The following ALPK2 variants were observed in gnomAD, a reference collection of about 807,000 sequenced individuals.
The protein encoded by ALPK2 is alpha kinase 2.
In ALPK2, 127 loss-of-function variants were observed where a neutral mutation model predicts 163.1. The ratio of observed to expected loss-of-function variants is 0.78; its 90% CI spans 0.67 to 0.90. ALPK2 has a LOEUF of 0.90. Among genes scored for constraint, ALPK2 ranks in the 40% least tolerant of loss-of-function variants. ALPK2 has a pLI of 0.00. For missense variants in ALPK2, 2,360 were observed against 2,589.6 expected, an observed-to-expected ratio of 0.91 and a Z score of 1.92; for synonymous variants, 953 against 959.1, an observed-to-expected ratio of 0.99 and a Z score of 0.12.
At chr18:58,613,725 A>G (rs2052148993) in intron 1 of ALPK2, among the ~76,000 whole-genome samples, 2 of 147,644 alleles carry the variant, frequency 1.4e-5, no homozygotes, top group Admixed American at 1.4e-4. Flanking sequence ...AATAATAATA[A>G]TAATAATAAT....
Position 58,498,050 on chromosome 18 carries a change from CT to C in ALPK2, c.6294del (p.Tyr2100ThrfsTer10). On this transcript the variant is annotated frameshift_variant and splice_region_variant, in exon 12 of 13. Coordinates refer to ENST00000361673, the MANE Select transcript of ALPK2 (RefSeq NM_052947.4). LOFTEE classifies it high-confidence loss of function. ...LTDVGIATLA[K>X]GYKGFKGNCS... is the part of the protein sequence containing the mutation. ...CACACTCCATTTTTTCCTACTCACC[CT>C]TTAGCCAGCGTTGCTATGCCAACGT... The C allele has an allele frequency of 1.2e-6, 2 of 1,614,092 alleles. No individual in the cohort carries two copies. The highest frequency in any genetic ancestry group is 1.7e-6 in the Non-Finnish European group (2 of 1,179,972).
intron 1 of ALPK2, among the ~76,000 whole-genome samples, chr18:58,625,848 G>A (rs977546327): frequency 1.3e-5 from 2 of 152,326 alleles, no homozygotes; most frequent in East Asian, 1.9e-4. Context: ...CTGTCTCTTC[G>A]AGCTGATGTC....
chr18:58,495,722 C>G (rs1358546116), intron 12 of ALPK2, among the ~76,000 whole-genome samples: 1 of 152,200 alleles, frequency 6.6e-6, no homozygotes, highest in African/African-American at 2.4e-5. Context: ...ACTCTGGTGT[C>G]AGGCTAAGAC....
chr18:58,561,875 C>T (rs2051827335), intron 4 of ALPK2, among the ~76,000 whole-genome samples: 1 of 152,188 alleles, frequency 6.6e-6, no homozygotes, highest in East Asian at 1.9e-4. Context: ...CCTAGGTGGA[C>T]TGAGTAGCTA....
chr18:58,492,756 G>A (rs2051381916), intron 12 of ALPK2, among the ~76,000 whole-genome samples: 1 of 152,208 alleles, frequency 6.6e-6, no homozygotes, highest in South Asian at 2.1e-4. Context: ...GGTCAGGAGT[G>A]GGAGGAACCC....
chr18:58,509,167 G>C (rs955378441), intron 10 of ALPK2, among the ~76,000 whole-genome samples: 1 of 151,736 alleles, frequency 6.6e-6, no homozygotes, highest in African/African-American at 2.4e-5. Flanking sequence ...AGTTTGCTGA[G>C]AATGATGGTT....
At chr18:58,539,655 A>T (rs1602208636) in intron 4 of ALPK2, among the ~76,000 whole-genome samples, 1 of 152,136 alleles carries the variant, frequency 6.6e-6, no homozygotes, top group South Asian at 2.1e-4. Flanking sequence ...CCTTGGCGGG[A>T]TGGGGTTCAG....
chr18:58,552,797 G>A (rs780097619), intron 4 of ALPK2, among the ~76,000 whole-genome samples: 5 of 152,206 alleles, frequency 3.3e-5, no homozygotes, highest in Non-Finnish European at 5.9e-5. Context: ...AAATTATGAA[G>A]CCTGGGCTAC....
chr18:58,536,627 G>A lies in ALPK2; in HGVS notation c.3560C>T (p.Ser1187Leu), dbSNP rs2051649926. 6.2e-7 allele frequency: 1 copy of A among 1,614,122 alleles called. No homozygotes were observed. The highest frequency in any genetic ancestry group is 8.5e-7 in the Non-Finnish European group (1 of 1,180,016). Reference sequence around the variant, plus strand: ...CACGGAGACCCTCGTCCCCCAACCTGAGCGCTGCCCTGCTCCTTCCCTAGA... The same window carrying A: ...CACGGAGACCCTCGTCCCCCAACCTAAGCGCTGCCCTGCTCCTTCCCTAGA... The part of the protein sequence containing the change: ...ASSREGAGQR[S>L]GWGTRVSVVA... The change falls in exon 5 of 13, where the codon TCA becomes TTA. Residue 1187 changes from serine to leucine, a missense_variant. Ser to Leu is a moderately radical substitution (Grantham distance 145). Transcript: ENST00000361673.
chr18:58,613,707 AAAATAATAAT>A (rs1225367706), intron 1 of ALPK2, among the ~76,000 whole-genome samples: 9 of 97,162 alleles, frequency 9.3e-5, no homozygotes, highest in Middle Eastern at 4.3e-3. Context: ...TCAAAAAAAA[AAAATAATAAT>A]AATAATAATA....
At chr18:58,593,307 T>C (rs2052023850) in intron 3 of ALPK2, among the ~76,000 whole-genome samples, 1 of 152,228 alleles carries the variant, frequency 6.6e-6, no homozygotes, top group African/African-American at 2.4e-5. Context: ...GGCTCACGCC[T>C]GTAGTCCCAG....
At chr18:58,528,666 T>C (rs1568075183) in intron 6 of ALPK2, 1 of 175,778 alleles carries the variant, frequency 5.7e-6, no homozygotes, top group Non-Finnish European at 1.2e-5. Flanking sequence ...GTTGTTTTTA[T>C]TCATCTCCTT....
chr18:58,529,704 A>G (rs2051602251), intron 5 of ALPK2, among the ~76,000 whole-genome samples: 1 of 152,268 alleles, frequency 6.6e-6, no homozygotes, highest in East Asian at 1.9e-4. Flanking sequence ...ACAATAGGTT[A>G]TTGGCTGAAT....
rs528793765 is a variant in ALPK2, at chr18:58,536,711, G to A, written c.3476C>T (p.Thr1159Met). The A allele has an allele frequency of 2.8e-5, 46 of 1,614,062 alleles. No homozygotes were observed. The highest frequency in any genetic ancestry group is 1.8e-4 in the South Asian group (16 of 91,090). ...TCTTTCCTCTTGTGCAGCAGATGTC[G>A]TAGGCAAACTTTGTTGGAAATCAGG... ...SAPDFQQSLP[T>M]TSAAQEERNL... Residue 1159 changes from threonine to methionine, a missense_variant, in exon 5 of 13, where the codon ACG becomes ATG. By Grantham distance (81) the Thr-to-Met change is moderately conservative. Transcript: ENST00000361673.
intron 3 of ALPK2, among the ~76,000 whole-genome samples, chr18:58,594,512 C>T (rs978672258): frequency 1.3e-5 from 2 of 152,162 alleles, no homozygotes; most frequent in African/African-American, 4.8e-5. Context: ...GGCCCATCAT[C>T]TTGGGAGCAG....
In ALPK2 at chr18:58,482,052, G is replaced by T. The variant is rs762015113; in HGVS notation, c.6297-13C>A. The T allele has an allele frequency of 1.9e-6, 3 of 1,602,962 alleles. No individual in the cohort carries two copies. The highest frequency in any genetic ancestry group is 2.6e-6 in the Non-Finnish European group (3 of 1,170,426). On this transcript the variant is annotated splice_polypyrimidine_tract_variant and intron_variant, in intron 12 of 12. Transcript: ENST00000361673. Reference sequence around the variant, plus strand: ...AAATCCCTTGTACCTGTGAGTTTGGGTGGAAGGAAACATAGCTTTTAAAAA... The same window carrying T: ...AAATCCCTTGTACCTGTGAGTTTGGTTGGAAGGAAACATAGCTTTTAAAAA...
At chr18:58,564,337 G>T (rs149387962) in intron 4 of ALPK2, among the ~76,000 whole-genome samples, 3,254 of 151,754 alleles carry the variant, frequency 0.021, 61 homozygotes, top group East Asian at 0.087. Context: ...GGTCAGGCTG[G>T]TCTCCAACTC....
chr18:58,517,120 A>G lies in ALPK2; in HGVS notation c.5728T>C (p.Phe1910Leu). Reference sequence around the variant, plus strand: ...ATCTGACCACGCAGGCGGCCCCCAAAGTAGCTGTCATGGAGGAAGTCTTCT... The same window carrying G: ...ATCTGACCACGCAGGCGGCCCCCAAGGTAGCTGTCATGGAGGAAGTCTTCT... ...FKEDFLHDSYFGGRLRGQIAT... is the reference protein window; with the variant it reads ...FKEDFLHDSYLGGRLRGQIAT... The change falls in exon 9 of 13, where the codon TTT becomes CTT. Residue 1910 changes from phenylalanine to leucine, a missense_variant. Physicochemically the swap from Phe to Leu is conservative, Grantham distance 22 (BLOSUM62 0). Transcript: ENST00000361673. 2 of 1,614,222 alleles carry G rather than the reference A, an allele frequency of 1.2e-6. No individual in the cohort carries two copies. Among genetic ancestry groups the G allele is most frequent in the African/African-American group, 2.7e-5 (2 of 75,064 alleles).
rs192271891 is a variant in ALPK2 at position 58,562,014 on chromosome 18, T to A, written c.1962+16800A>T. Among the ~76,000 whole-genome samples the A allele has an allele frequency of 7.0e-4, 106 of 152,328 alleles. 1 individual carries two copies. The highest frequency in any genetic ancestry group is 1.2e-3 in the Non-Finnish European group (80 of 68,030). On this transcript the variant is annotated intron_variant, in intron 4 of 12. Coordinates refer to ENST00000361673, the MANE Select transcript of ALPK2 (RefSeq NM_052947.4). ...ACTACACTCAGTCAGCATTCAGTGA[T>A]CATCCTCACCTTCACCCGCTTCAAT...
Sources: allele counts gnomAD v4.1 joint callset (sites outside exome capture counted in the v4.1 genomes callset), GRCh38; gene constraint gnomAD v4.1.1; transcripts MANE v1.5; gene names NCBI Gene and HGNC (gene_info 2026-07-23, HGNC 2026-07-21).